Variants in ARHGAP8 observed in about 807,000 individuals in gnomAD.
ARHGAP8 encodes the protein Rho GTPase activating protein 8.
ARHGAP8 carries 62 observed loss-of-function variants against 46.1 expected under a neutral mutation model. The observed-to-expected ratio is 1.34, with a 90% CI of 1.10 to 1.66. ARHGAP8 has a LOEUF of 1.66. Ranked by LOEUF, ARHGAP8 falls within the 40% of genes most tolerant of loss-of-function variation. ARHGAP8 has a pLI of 0.00. For missense variants in ARHGAP8, 923 were observed against 568.4 expected, an observed-to-expected ratio of 1.62 and a Z score of -6.34; for synonymous variants, 375 against 243.1, an observed-to-expected ratio of 1.54 and a Z score of -5.05.
intron 4 of ARHGAP8, among the ~76,000 whole-genome samples, chr22:44,811,996 CAAA>C (rs80292686): frequency 3.0e-5 from 4 of 131,330 alleles, no homozygotes; most frequent in Non-Finnish European, 1.7e-5. Flanking sequence ...AACTCTGTTT[CAAA>C]AAAAAAAAAA....
chr22:44,860,137 T>C (rs959599333), intron 11 of ARHGAP8, among the ~76,000 whole-genome samples: 9 of 152,202 alleles, frequency 5.9e-5, no homozygotes, highest in Middle Eastern at 3.4e-3. Flanking sequence ...ATTTCCTGCT[T>C]GGGCTGAGTC....
At chr22:44,805,022 G>A (rs567084012) in intron 3 of ARHGAP8, among the ~76,000 whole-genome samples, 2 of 152,316 alleles carry the variant, frequency 1.3e-5, no homozygotes, top group East Asian at 3.9e-4. Flanking sequence ...GCTCACCCCA[G>A]TGAGGAGCCG....
intron 3 of ARHGAP8, among the ~76,000 whole-genome samples, chr22:44,804,438 G>T (rs1333448223): frequency 6.6e-6 from 1 of 152,196 alleles, no homozygotes; most frequent in Non-Finnish European, 1.5e-5. Context: ...GGGAAGTTAG[G>T]TTCTGAGGGC....
intron 4 of ARHGAP8, among the ~76,000 whole-genome samples, chr22:44,811,099 C>G (rs1043274475): frequency 3.3e-5 from 5 of 152,314 alleles, no homozygotes; most frequent in South Asian, 2.1e-4. Flanking sequence ...GAAACAAACC[C>G]GTAATCAGCC....
intron 10 of ARHGAP8, 145 bp downstream of exon 10, chr22:44,849,205 GA>G: frequency 3.4e-6 from 5 of 1,477,206 alleles, no homozygotes; most frequent in Admixed American, 2.0e-5. Context: ...CAGGGCAAGA[GA>G]GGGGGTTGTT....
chr22:44,802,107 C>G lies in ARHGAP8; in HGVS notation c.110C>G (p.Thr37Arg), dbSNP rs748132766. The G allele has an allele frequency of 2.5e-6, 4 of 1,614,142 alleles. No homozygotes were observed. Among genetic ancestry groups the G allele is most frequent in the South Asian group, 1.1e-5 (1 of 91,078 alleles). ...GACCGCTTTGGAAGACGTGTTGTCA[C>G]GTTCAGCTGCTGCCGGATGCCACCC... The part of the protein sequence containing the change: ...GDDRFGRRVV[T>R]FSCCRMPPSH... Residue 37 changes from threonine to arginine, a missense_variant, in exon 3 of 12, where the codon ACG becomes AGG. Coordinates refer to ENST00000356099, the MANE Select transcript of ARHGAP8 (RefSeq NM_181335.3).
chr22:44,860,568 C>A (rs1347055565), intron 11 of ARHGAP8, among the ~76,000 whole-genome samples: 1 of 151,708 alleles, frequency 6.6e-6, no homozygotes, highest in Non-Finnish European at 1.5e-5. Context: ...GCTGCAACGG[C>A]CCTCGTTCCA....
At chr22:44,860,983 C>T (rs1042079356) in intron 11 of ARHGAP8, among the ~76,000 whole-genome samples, 1 of 134,206 alleles carries the variant, frequency 7.5e-6, no homozygotes, top group African/African-American at 2.7e-5. Context: ...TTCTCAGAGG[C>T]CCAAAACTAA....
chr22:44,781,481 T>C (rs1279754722), intron 1 of ARHGAP8, among the ~76,000 whole-genome samples: 1 of 152,168 alleles, frequency 6.6e-6, no homozygotes. Flanking sequence ...TGTAGCATTT[T>C]TTTCTTTTTA....
At chr22:44,796,169 G>A (rs1602187450) in intron 2 of ARHGAP8, among the ~76,000 whole-genome samples, 1 of 152,198 alleles carries the variant, frequency 6.6e-6, no homozygotes, top group Non-Finnish European at 1.5e-5. Flanking sequence ...CAGTGACCAG[G>A]GGTCCCAGAG....
intron 4 of ARHGAP8, among the ~76,000 whole-genome samples, chr22:44,811,023 G>C (rs913108665): frequency 6.6e-6 from 1 of 152,194 alleles, no homozygotes; most frequent in African/African-American, 2.4e-5. Context: ...CGTGAGAAAC[G>C]AAGATGCACC....
At chr22:44,811,775 C>T (rs946029187) in intron 4 of ARHGAP8, among the ~76,000 whole-genome samples, 1 of 152,066 alleles carries the variant, frequency 6.6e-6, no homozygotes, top group African/African-American at 2.4e-5. Flanking sequence ...GCGGGTGAGT[C>T]ATTTGAGGTC....
chr22:44,830,414 C>G (rs1930863004), intron 7 of ARHGAP8, among the ~76,000 whole-genome samples: 1 of 152,096 alleles, frequency 6.6e-6, no homozygotes, highest in Admixed American at 6.6e-5. Flanking sequence ...TCACTGCAAC[C>G]TCTGCCTTCC....
chr22:44,761,729 G>A (rs553060998), intron 1 of ARHGAP8, among the ~76,000 whole-genome samples: 11 of 152,266 alleles, frequency 7.2e-5, no homozygotes, highest in Admixed American at 4.6e-4. Context: ...TTTTTACGCT[G>A]CTGATAAAGA....
intron 7 of ARHGAP8, among the ~76,000 whole-genome samples, chr22:44,828,320 C>T (rs73892307): frequency 0.042 from 6,344 of 152,234 alleles, 185 homozygotes; most frequent in Middle Eastern, 0.17. Flanking sequence ...CCTTAGGGGC[C>T]GCCCAGGAAT....
intron 2 of ARHGAP8, among the ~76,000 whole-genome samples, chr22:44,794,167 C>T (rs1927909880): frequency 6.6e-6 from 1 of 152,196 alleles, no homozygotes; most frequent in Non-Finnish European, 1.5e-5. Flanking sequence ...TCTGGAAGCA[C>T]CCAGCATCCT....
intron 7 of ARHGAP8, 42 bp downstream of exon 7, chr22:44,825,635 C>A (rs1371803885): frequency 6.3e-7 from 1 of 1,577,622 alleles, no homozygotes; most frequent in Non-Finnish European, 8.6e-7. Context: ...GCCCTGGAGC[C>A]CTGGGAGCTG....
At chr22:44,858,073 C>A (rs118037809) in intron 10 of ARHGAP8, among the ~76,000 whole-genome samples, 1 of 152,212 alleles carries the variant, frequency 6.6e-6, no homozygotes, top group East Asian at 1.9e-4. Flanking sequence ...CAAGGGAATT[C>A]CTTGTCCATT....
intron 1 of ARHGAP8, among the ~76,000 whole-genome samples, chr22:44,754,292 G>T (rs1467773488): frequency 6.6e-6 from 1 of 151,812 alleles, no homozygotes; most frequent in African/African-American, 2.4e-5. Context: ...AGTGCCTGAC[G>T]GGGTGGGCCA....
Sources: allele counts gnomAD v4.1 joint callset (sites outside exome capture counted in the v4.1 genomes callset), GRCh38; gene constraint gnomAD v4.1.1; transcripts MANE v1.5; gene names NCBI Gene and HGNC (gene_info 2026-07-23, HGNC 2026-07-21).